Variants in RIMBP2 observed in about 807,000 individuals in gnomAD.
RIMBP2 encodes the protein RIMS-binding protein 2.
In RIMBP2, 48 loss-of-function variants were observed where a neutral mutation model predicts 118.6. The ratio of observed to expected loss-of-function variants is 0.40; its 90% confidence interval spans 0.32 to 0.51. The LOEUF (loss-of-function observed/expected upper bound fraction) is 0.51. RIMBP2 is among the 20% of genes least tolerant of loss of function. The pLI, the probability that RIMBP2 is intolerant of heterozygous loss-of-function variation, is 0.41. For synonymous variants in RIMBP2, 762 were observed against 742.9 expected (o/e 1.03, Z -0.42); for missense variants, 1,551 against 1,768.3 (o/e 0.88, Z 2.20).
chr12:130,480,976 G>C (rs904983005), intron 4 of RIMBP2, among the ~76,000 whole-genome samples: 6 of 152,346 alleles, frequency 3.9e-5, no homozygotes, highest in African/African-American at 1.4e-4. Context: ...TCGGACACAC[G>C]CGTCCAAGAG....
chr12:130,602,412 G>T (rs999131074), intron 2 of RIMBP2, among the ~76,000 whole-genome samples: 6 of 152,202 alleles, frequency 3.9e-5, no homozygotes, highest in African/African-American at 1.4e-4. Context: ...TTGAAGTTAG[G>T]AGGATGTGTC....
intron 5 of RIMBP2, among the ~76,000 whole-genome samples, chr12:130,476,715 A>C (rs4759694): frequency 0.34 from 52,347 of 151,980 alleles, 10,327 homozygotes; most frequent in Non-Finnish European, 0.41. Context: ...TCCGCCACTC[A>C]AGCCTCTCAA....
rs529975479 is a variant in RIMBP2 at position 130,462,638 on chromosome 12, T to C, written c.154-5938A>G. On this transcript the variant is annotated intron_variant, in intron 6 of 22. Transcript: ENST00000690449. ...AGAGCTGGGTCTCTAGCTGGTCCTG[T>C]GTGTGGACGCTGACTCGAGGAATCT... is the stretch of plus-strand genomic sequence containing the variant. Among the ~76,000 whole-genome samples, 28 of 152,314 alleles carry C rather than the reference T, an allele frequency of 1.8e-4. 1 individual carries two copies. In the South Asian group the frequency reaches 5.8e-3, roughly 32 times the overall value.
intron 1 of RIMBP2, among the ~76,000 whole-genome samples, chr12:130,686,071 C>A (rs1336152567): frequency 6.6e-6 from 1 of 152,140 alleles, no homozygotes; most frequent in Non-Finnish European, 1.5e-5. Context: ...GCACACCGCC[C>A]GGCACCTGCT....
At chr12:130,459,006 T>C (rs1261241353) in intron 6 of RIMBP2, among the ~76,000 whole-genome samples, 1 of 147,076 alleles carries the variant, frequency 6.8e-6, no homozygotes, top group Non-Finnish European at 1.5e-5. Context: ...ATCGAGCCTC[T>C]GCACTCCAGC....
intron 22 of RIMBP2, chr12:130,398,982 A>G (rs2074270659): frequency 2.4e-6 from 1 of 411,746 alleles, no homozygotes. Flanking sequence ...TAGGTCCAAT[A>G]GTTTTTTGAG....
intron 6 of RIMBP2, among the ~76,000 whole-genome samples, chr12:130,460,098 G>A (rs2079841501): frequency 6.6e-6 from 1 of 152,190 alleles, no homozygotes; most frequent in South Asian, 2.1e-4. Flanking sequence ...CAGAAAACGG[G>A]TGGAGAAGCA....
In RIMBP2 at chr12:130,646,411, CTCCCTCACCACT is replaced by C. The variant is rs1239498628; in HGVS notation, c.-351-17967_-351-17956del. ...CCTCCCTCACCACCTGCCTCTCCACCTCCCTCACCACTTCCCTCTCCACCTCCCTTGCCACCT... is the reference window on the plus strand; with the variant it reads ...CCTCCCTCACCACCTGCCTCTCCACCTCCCTCTCCACCTCCCTTGCCACCT... On this transcript the variant is annotated intron_variant, in intron 1 of 22. Transcript: ENST00000690449. 2.3e-5 allele frequency among the ~76,000 whole-genome samples: 3 copies of C among 127,756 alleles called. 1 individual carries two copies. Among genetic ancestry groups the C allele is most frequent in the East Asian group, 4.2e-4 (2 of 4,724 alleles). The allele number at this position is 127,756 out of a possible 152,430, so 83.8% of individuals were successfully genotyped here.
intron 1 of RIMBP2, chr12:130,660,319 G>A (rs1309886918): frequency 5.8e-5 from 2 of 34,252 alleles, no homozygotes; most frequent in Non-Finnish European, 9.9e-5. Flanking sequence ...TTCAGGAAGG[G>A]AGCAGGAACC....
At chr12:130,491,504 C>A (rs181680800) in intron 4 of RIMBP2, among the ~76,000 whole-genome samples, 26 of 152,324 alleles carry the variant, frequency 1.7e-4, no homozygotes, top group African/African-American at 6.0e-4. Flanking sequence ...TCCTTCCTTC[C>A]AGAGTTCTCA....
intron 4 of RIMBP2, among the ~76,000 whole-genome samples, chr12:130,498,064 G>T (rs2049358586): frequency 6.6e-6 from 1 of 152,256 alleles, no homozygotes. Context: ...CACCTCTGCA[G>T]AGAAGCACCC....
rs1185714399 is a variant in RIMBP2, at chr12:130,450,685, C to T, written c.505-409G>A. Reference sequence around the variant, plus strand: ...CCCCCTAGTGCATTCCCCACACAAGCTGGAACAGTCTTTAAGCAGGAATTA... The same window carrying T: ...CCCCCTAGTGCATTCCCCACACAAGTTGGAACAGTCTTTAAGCAGGAATTA... On this transcript the variant is annotated intron_variant, in intron 8 of 22. Transcript: ENST00000690449. The surrounding 1 kb of genome is among the most constrained non-coding windows in gnomAD (Gnocchi z 4.8). Among the ~76,000 whole-genome samples, 2 of 150,900 alleles carry T rather than the reference C, an allele frequency of 1.3e-5. No individual in the cohort carries two copies. The highest frequency in any genetic ancestry group is 4.0e-4 in the East Asian group (2 of 4,988).
At chr12:130,410,043 G>A (rs1209923977) in intron 19 of RIMBP2, among the ~76,000 whole-genome samples, 1 of 152,240 alleles carries the variant, frequency 6.6e-6, no homozygotes, top group Non-Finnish European at 1.5e-5. Context: ...CACACTTTGT[G>A]CCCACACCTG....
At chr12:130,487,113 G>A (rs1472268022) in intron 4 of RIMBP2, among the ~76,000 whole-genome samples, 1 of 152,206 alleles carries the variant, frequency 6.6e-6, no homozygotes, top group African/African-American at 2.4e-5. Flanking sequence ...TGCCACACTG[G>A]CTTCGCTCAG....
rs544230975 is a variant in RIMBP2, at chr12:130,424,617, G to A, written c.2654C>T (p.Pro885Leu). ...GGCCCCCGAGCCCCTGTGCTTCACC[G>A]GGAACCAGGAGCCCCGAGGGGCCTC... ...GDEAPRGSWF[P>L]VKHRGSGAVP... The change falls in exon 16 of 23, where the codon CCG (proline) becomes CTG (leucine). Residue 885 changes from proline to leucine, a missense_variant. By Grantham distance (98) the Pro-to-Leu change is moderately conservative. This residue lies in a region of RIMBP2 where 1,038 missense variants were observed against 1,125.1 expected (regional missense o/e 0.92). Transcript: ENST00000690449. The surrounding 1 kb of genome is among the most constrained non-coding windows in gnomAD (Gnocchi z 9.8). 231 of 1,231,942 alleles carry A rather than the reference G, an allele frequency of 1.9e-4. No homozygotes were observed. The African/African-American group carries it at 2.7e-3, about 14-fold the overall frequency. 76.3% of individuals were successfully genotyped at this position (1,231,942 alleles called of 1,614,324 possible).
At chr12:130,473,526 G>A (rs1323117004) in intron 5 of RIMBP2, among the ~76,000 whole-genome samples, 3 of 152,230 alleles carry the variant, frequency 2.0e-5, no homozygotes, top group African/African-American at 4.8e-5. Context: ...AGAGCAATAG[G>A]CCGTCCAGGC....
At chr12:130,589,144 C>T (rs6486556) in intron 2 of RIMBP2, among the ~76,000 whole-genome samples, 152,146 of 152,336 alleles carry the variant, frequency 1, 75,978 homozygotes, top group Middle Eastern at 1. Context: ...CTATAGTCAG[C>T]AACAACAATG....
At chr12:130,697,301 T>C (rs1001274345) in intron 1 of RIMBP2, among the ~76,000 whole-genome samples, 2 of 152,168 alleles carry the variant, frequency 1.3e-5, no homozygotes, top group East Asian at 3.9e-4. Context: ...GCGGGAGAAC[T>C]GGTTGAGGCC....
chr12:130,622,913 T>A lies in RIMBP2; in HGVS notation c.-217+5409A>T, dbSNP rs926000917. 1.3e-5 allele frequency among the ~76,000 whole-genome samples: 2 copies of A among 152,236 alleles called. No individual in the cohort carries two copies. Among genetic ancestry groups the A allele is most frequent in the African/African-American group, 4.8e-5 (2 of 41,468 alleles). On this transcript the variant is annotated intron_variant, in intron 2 of 22. Coordinates refer to ENST00000690449, the MANE Select transcript of RIMBP2 (RefSeq NM_001393629.1). The surrounding 1 kb of genome is among the most constrained non-coding windows in gnomAD (Gnocchi z 8.5). ...CATCGAGTAAACAGTTCTTGCCTAC[T>A]AAGCCCTGCAGGTAGGAACAAGAAG... is the stretch of plus-strand genomic sequence containing the variant.
Sources: gnomAD v4.1 joint callset for allele counts (sites outside exome capture counted in the v4.1 genomes callset) on GRCh38, gnomAD v4.1.1 for gene constraint, gnomAD v4.1.1 regional missense constraint, Gnocchi (gnomAD v3.1) non-coding constraint, MANE v1.5 for transcripts, NCBI Gene and HGNC (gene_info 2026-07-23, HGNC 2026-07-21) for gene names.